Variants in GREB1 observed in about 807,000 individuals in gnomAD.
GREB1 encodes the protein growth regulating estrogen receptor binding 1, also known as protein GREB1.
A neutral mutation model predicts 200.7 loss-of-function variants in GREB1; 106 were observed. The ratio of observed to expected loss-of-function variants is 0.53; its 90% CI spans 0.45 to 0.62. The LOEUF (loss-of-function observed/expected upper bound fraction) is 0.62, where lower values mean the gene tolerates loss of function less well. Among genes scored for constraint, GREB1 ranks in the 20% least tolerant of loss-of-function variants. GREB1 has a pLI of 0.00. For synonymous variants in GREB1, 1,132 were observed against 1,092.4 expected (o/e 1.04, Z -0.72); for missense variants, 2,243 against 2,556.8 (o/e 0.88, Z 2.65).
intron 2 of GREB1, among the ~76,000 whole-genome samples, chr2:11,557,673 T>G (rs1482890047): frequency 2.0e-5 from 3 of 152,194 alleles, no homozygotes. Context: ...GATAGTTGCT[T>G]ATTCTAGCAG....
At position 11,547,157 on chromosome 2, in the gene GREB1, G is replaced by A. The variant is rs191096006; in HGVS notation, c.-161-9297G>A. Reference sequence around the variant, plus strand: ...GGGGTTTCACCATGTTGGCCAGGGCGATGTCGAACTCCTGACCTCAAGTGA... The same window carrying A: ...GGGGTTTCACCATGTTGGCCAGGGCAATGTCGAACTCCTGACCTCAAGTGA... On this transcript the variant is annotated intron_variant, in intron 1 of 32. Transcript: ENST00000381486. Among the ~76,000 whole-genome samples, 155 of 152,040 alleles carry A rather than the reference G, an allele frequency of 1.0e-3. 1 individual carries two copies. The highest frequency in any genetic ancestry group is 3.6e-3 in the African/African-American group (150 of 41,456).
intron 2 of GREB1, 111 bp from the exon 3 acceptor site, chr2:11,562,352 A>G (rs972756550): frequency 2.0e-5 from 29 of 1,439,074 alleles, no homozygotes; most frequent in Non-Finnish European, 2.6e-5. Flanking sequence ...GATTAGTCCC[A>G]TAGGTCCTGG....
At chr2:11,595,950 C>T (rs1313245943) in intron 12 of GREB1, among the ~76,000 whole-genome samples, 161 bp from the exon 13 acceptor site, 2 of 152,174 alleles carry the variant, frequency 1.3e-5, no homozygotes, top group South Asian at 4.2e-4. Flanking sequence ...AGTGTGTCTT[C>T]ATCCTGACTA....
At chr2:11,539,510 G>C (rs1428345438) in intron 1 of GREB1, among the ~76,000 whole-genome samples, 1 of 152,220 alleles carries the variant, frequency 6.6e-6, no homozygotes, top group African/African-American at 2.4e-5. Flanking sequence ...GGCAAGCCAG[G>C]CTGCCAGCTG....
At chr2:11,500,041 G>A (rs1230825936) in intron 1 of GREB1, among the ~76,000 whole-genome samples, 1 of 152,150 alleles carries the variant, frequency 6.6e-6, no homozygotes, top group Admixed American at 6.5e-5. Context: ...GAATGCAGTG[G>A]TGTCATCTCA....
At chr2:11,578,732 T>C (rs7578132) in intron 6 of GREB1, among the ~76,000 whole-genome samples, 69,104 of 151,956 alleles carry the variant, frequency 0.45, 17,151 homozygotes, top group East Asian at 0.63. Context: ...GAGCTCTCTA[T>C]GTAAAGATGC....
intron 4 of GREB1, among the ~76,000 whole-genome samples, chr2:11,575,978 A>G (rs1678814029): frequency 6.6e-6 from 1 of 152,080 alleles, no homozygotes; most frequent in Non-Finnish European, 1.5e-5. Flanking sequence ...CTTTCATTCG[A>G]GTTGAGGCCG....
chr2:11,530,565 CAA>C (rs34552685), upstream of GREB1, among the ~76,000 whole-genome samples: 10,079 of 97,174 alleles, frequency 0.1, 305 homozygotes, highest in Middle Eastern at 0.19. Context: ...GACTCGGTCT[CAA>C]AAAAAAAAAA....
Position 11,640,235 on chromosome 2 carries a change from TTCC to T in GREB1, c.5687-53_5687-51del. The stretch of plus-strand genomic sequence containing the variant: ...TGCAAGTAGAATCCGGGCAGCCGCT[TTCC>T]TCTGGATAAACTCACCTTTTCCCTT... On this transcript the variant is annotated intron_variant, in intron 32 of 32. Transcript: ENST00000381486. The surrounding 1 kb of genome is among the most constrained non-coding windows in gnomAD (Gnocchi z 4.6). 1 of 1,544,276 alleles carries T rather than the reference TTCC, an allele frequency of 6.5e-7. No homozygotes were observed. The highest frequency in any genetic ancestry group is 8.8e-7 in the Non-Finnish European group (1 of 1,142,056).
chr2:11,540,749 G>A (rs1035303200), intron 1 of GREB1: 1 of 138,274 alleles, frequency 7.2e-6, no homozygotes, highest in African/African-American at 2.5e-5. Flanking sequence ...ATGATGTCTT[G>A]TTTCCTGCTG....
At chr2:11,533,548 C>T (rs1459899187), upstream of GREB1, among the ~76,000 whole-genome samples, 1 of 152,132 alleles carries the variant, frequency 6.6e-6, no homozygotes, top group African/African-American at 2.4e-5. Flanking sequence ...AAACAGAAGC[C>T]GGGAACAACA....
At chr2:11,484,994 G>A (rs1277095717) in intron 1 of GREB1, among the ~76,000 whole-genome samples, 1 of 152,022 alleles carries the variant, frequency 6.6e-6, no homozygotes, top group Non-Finnish European at 1.5e-5. Flanking sequence ...CGCCCGCCAC[G>A]GCGCCCGGTT....
At chr2:11,533,103 CT>C (rs1262962711), upstream of GREB1, among the ~76,000 whole-genome samples, 1 of 152,176 alleles carries the variant, frequency 6.6e-6, no homozygotes, top group Non-Finnish European at 1.5e-5. Context: ...AAGAGAGAGA[CT>C]GATCAACATG....
At chr2:11,591,956 G>T (rs1056109072) in intron 10 of GREB1, 16 of 969,054 alleles carry the variant, frequency 1.7e-5, no homozygotes, top group Non-Finnish European at 2.0e-5. Flanking sequence ...GCAGCTATTT[G>T]TAAGGACAGT....
chr2:11,609,754 CAG>C lies in GREB1; in HGVS notation c.2667-932_2667-931del, dbSNP rs199803711. On this transcript the variant is annotated intron_variant, in intron 17 of 32. Coordinates refer to ENST00000381486, the MANE Select transcript of GREB1 (RefSeq NM_014668.4). ...AGGAGCAGGGATGTCATCGCAATGTCAGAAATGCTATCAAGTGCTGTAGGAAG... is the reference window on the plus strand; with the variant it reads ...AGGAGCAGGGATGTCATCGCAATGTCAAATGCTATCAAGTGCTGTAGGAAG... Among the ~76,000 whole-genome samples the C allele has an allele frequency of 7.4e-4, 113 of 152,274 alleles. 1 individual carries two copies. The East Asian group carries it at 0.02, about 27-fold the overall frequency.
At chr2:11,555,033 C>T (rs1049860102) in intron 1 of GREB1, among the ~76,000 whole-genome samples, 2 of 152,188 alleles carry the variant, frequency 1.3e-5, no homozygotes. Context: ...GAGAACACTT[C>T]ATACTAAACC....
At chr2:11,612,634 G>C in intron 19 of GREB1, 24 bp downstream of exon 19, 1 of 1,472,960 alleles carries the variant, frequency 6.8e-7, no homozygotes. Flanking sequence ...TTATGCCCCT[G>C]GGGGTCTCTG....
At chr2:11,532,122 G>T (rs762466111), upstream of GREB1, among the ~76,000 whole-genome samples, 1 of 152,140 alleles carries the variant, frequency 6.6e-6, no homozygotes, top group Non-Finnish European at 1.5e-5. Flanking sequence ...AGTGGGAAAT[G>T]TTCATTTATT....
intron 1 of GREB1, among the ~76,000 whole-genome samples, chr2:11,487,799 C>T (rs553211661): frequency 4.6e-5 from 7 of 152,248 alleles, no homozygotes; most frequent in South Asian, 2.1e-4. Context: ...AAATCCAAGA[C>T]ATTATATCAT....
Sources: allele counts gnomAD v4.1 joint callset (sites outside exome capture counted in the v4.1 genomes callset), GRCh38; gene constraint gnomAD v4.1.1; non-coding constraint Gnocchi (gnomAD v3.1); transcripts MANE v1.5; gene names NCBI Gene and HGNC (gene_info 2026-07-23, HGNC 2026-07-21).